Variants in PARD3 observed in about 807,000 individuals in gnomAD.
The protein encoded by PARD3 is par-3 family cell polarity regulator, also known as partitioning defective 3 homolog.
Under a neutral mutation model 155.4 loss-of-function variants are expected in PARD3, and 75 were observed. The observed-to-expected ratio is 0.48, with a 90% confidence interval of 0.40 to 0.58. The LOEUF (loss-of-function observed/expected upper bound fraction) is 0.58. PARD3 is among the 20% of genes least tolerant of loss of function. The probability of loss-of-function intolerance (pLI) is 0.00; values close to 1 mark genes in which losing one functional copy is unlikely to be tolerated. For missense variants in PARD3, 1,642 were observed against 1,721.7 expected (o/e 0.95, Z 0.82); for synonymous variants, 576 against 610.5 (o/e 0.94, Z 0.83).
intron 5 of PARD3, among the ~76,000 whole-genome samples, chr10:34,445,684 T>C (rs969604429): frequency 6.6e-6 from 1 of 151,978 alleles, no homozygotes; most frequent in African/African-American, 2.4e-5. Context: ...AGGTCTACAA[T>C]GACAGTAGAA....
At chr10:34,559,538 C>G (rs1417075868) in intron 2 of PARD3, among the ~76,000 whole-genome samples, 1 of 151,846 alleles carries the variant, frequency 6.6e-6, no homozygotes, top group East Asian at 1.9e-4. Flanking sequence ...GATGTGAATT[C>G]TACCTGAGTT....
At chr10:34,444,069 C>A (rs1258163015) in intron 5 of PARD3, among the ~76,000 whole-genome samples, 1 of 152,074 alleles carries the variant, frequency 6.6e-6, no homozygotes, top group African/African-American at 2.4e-5. Flanking sequence ...ATGGAGAGAG[C>A]CCTAAAACAT....
intron 2 of PARD3, among the ~76,000 whole-genome samples, chr10:34,612,467 T>C (rs1216285235): frequency 6.6e-6 from 1 of 152,168 alleles, no homozygotes; most frequent in African/African-American, 2.4e-5. Context: ...AAAGTAGCTC[T>C]TTACCTACTT....
Position 34,349,420 on chromosome 10 carries a change from G to A in PARD3, c.2068-1305C>T, listed in dbSNP as rs1388702077. Among the ~76,000 whole-genome samples, 7 of 151,804 alleles carry A rather than the reference G, an allele frequency of 4.6e-5. No individual in the cohort carries two copies. In the East Asian group the frequency reaches 9.6e-4, roughly 21 times the overall value. On this transcript the variant is annotated intron_variant, in intron 14 of 24. Coordinates refer to ENST00000374788, the MANE Select transcript of PARD3 (RefSeq NM_001184785.2). ...TTAGACTCAATAAGGTTTAAATTGT[G>A]AAACGAGGATTTGTTTCATTTGTTT...
At chr10:34,516,597 A>G (rs2081781230) in intron 3 of PARD3, among the ~76,000 whole-genome samples, 1 of 152,204 alleles carries the variant, frequency 6.6e-6, no homozygotes, top group Admixed American at 6.5e-5. Context: ...CAAATAATAT[A>G]AATGACGGTT....
At position 34,470,137 on chromosome 10, in the gene PARD3, G is replaced by T. The variant is rs1180728266; in HGVS notation, c.530C>A (p.Ala177Asp). The T allele has an allele frequency of 5.0e-6, 8 of 1,613,264 alleles. No homozygotes were observed. The Admixed American group carries it at 8.3e-5, about 17-fold the overall frequency. ...RKNPTRWSTT[A>D]GFLKQNTAGS... ...AGCAGTGTTCTGCTTGAGGAAGCCAGCTGTTGTTGACCAGCGTGTGGGATT... is the reference window on the plus strand; with the variant it reads ...AGCAGTGTTCTGCTTGAGGAAGCCATCTGTTGTTGACCAGCGTGTGGGATT... The change falls in exon 4 of 25, where the codon GCT becomes GAT. Residue 177 changes from alanine (A) to aspartate (D), a missense_variant. By Grantham distance (126) the Ala-to-Asp change is moderately radical. Around this residue, in one of 3 missense-constraint regions of PARD3, gnomAD observed 1,529 missense variants for 1,587.3 expected, o/e 0.96. Coordinates refer to ENST00000374788, the MANE Select transcript of PARD3 (RefSeq NM_001184785.2).
At chr10:34,534,201 G>A (rs2083059698) in intron 2 of PARD3, among the ~76,000 whole-genome samples, 1 of 151,588 alleles carries the variant, frequency 6.6e-6, no homozygotes, top group South Asian at 2.1e-4. Context: ...GGGAGGCAGA[G>A]CTTGCAGTGA....
intron 1 of PARD3, among the ~76,000 whole-genome samples, chr10:34,787,319 C>T (rs1841095024): frequency 6.6e-6 from 1 of 152,192 alleles, no homozygotes; most frequent in African/African-American, 2.4e-5. Context: ...GCGAAGGTTG[C>T]AGTGAGCCAA....
chr10:34,699,932 T>C (rs2094242836), intron 1 of PARD3, among the ~76,000 whole-genome samples: 1 of 152,212 alleles, frequency 6.6e-6, no homozygotes, highest in Non-Finnish European at 1.5e-5. Context: ...TAAATTCTAA[T>C]TCTACAATAA....
At chr10:34,697,546 T>A (rs3002033) in intron 1 of PARD3, among the ~76,000 whole-genome samples, 89,530 of 151,962 alleles carry the variant, frequency 0.59, 27,746 homozygotes, top group Non-Finnish European at 0.67. Context: ...CATGCCTAAG[T>A]ATCACTGAAA....
At chr10:34,617,046 G>A (rs936079217) in intron 2 of PARD3, among the ~76,000 whole-genome samples, 1 of 151,894 alleles carries the variant, frequency 6.6e-6, no homozygotes, top group Non-Finnish European at 1.5e-5. Context: ...TTGAGGTCAG[G>A]AGTTCAAAAC....
At chr10:34,443,697 T>C (rs2076589063) in intron 5 of PARD3, among the ~76,000 whole-genome samples, 2 of 152,098 alleles carry the variant, frequency 1.3e-5, no homozygotes, top group Admixed American at 6.5e-5. Flanking sequence ...TACGTGGAAA[T>C]TGTGGGAGTT....
At chr10:34,691,137 G>A (rs368912783) in intron 2 of PARD3, among the ~76,000 whole-genome samples, 5 of 152,284 alleles carry the variant, frequency 3.3e-5, no homozygotes, top group African/African-American at 1.2e-4. Flanking sequence ...CAAATAGGAA[G>A]AGAGGAAGTC....
intron 2 of PARD3, among the ~76,000 whole-genome samples, chr10:34,575,604 T>C (rs977592618): frequency 2.0e-5 from 3 of 151,972 alleles, no homozygotes; most frequent in Admixed American, 6.6e-5. Context: ...TTGTAGAAAA[T>C]TGGGTATTTG....
chr10:34,656,109 TAA>T (rs1257246688), intron 2 of PARD3, among the ~76,000 whole-genome samples: 2 of 152,118 alleles, frequency 1.3e-5, no homozygotes, highest in East Asian at 1.9e-4. Flanking sequence ...AAGAAAAAAG[TAA>T]AGAGTAATTT....
chr10:34,427,452 G>A (rs969016013), intron 5 of PARD3, among the ~76,000 whole-genome samples: 2 of 152,136 alleles, frequency 1.3e-5, no homozygotes, highest in Admixed American at 6.5e-5. Context: ...CCAGCCTGGC[G>A]AATTCTAGTC....
rs752634350 is a variant in PARD3 at position 34,319,428 on chromosome 10, CGA to C, written c.2834-2092_2834-2091del. ...GAAACGTTAGCCTTCCTCTGAACTG[CGA>C]GTTATCTCATTGTAAGCCATTGTCT... is the stretch of plus-strand genomic sequence containing the variant. On this transcript the variant is annotated intron_variant, in intron 19 of 24. Coordinates refer to ENST00000374788, the MANE Select transcript of PARD3 (RefSeq NM_001184785.2). 1.2e-3 allele frequency among the ~76,000 whole-genome samples: 177 copies of C among 152,170 alleles called. 1 individual carries two copies. Among genetic ancestry groups the C allele is most frequent in the Admixed American group, 4.6e-3 (71 of 15,298 alleles).
chr10:34,139,385 C>T (rs1452192852), intron 22 of PARD3, among the ~76,000 whole-genome samples: 5 of 152,150 alleles, frequency 3.3e-5, no homozygotes, highest in African/African-American at 1.2e-4. Flanking sequence ...TGGAAGAACT[C>T]AAGATCCAGC....
intron 22 of PARD3, 95 bp from the exon 23 acceptor site, chr10:34,131,678 C>A: frequency 9.2e-7 from 1 of 1,091,712 alleles, no homozygotes; most frequent in Non-Finnish European, 1.4e-6. Flanking sequence ...TGTGAAATGA[C>A]GCCATTTAAG....
Sources: gnomAD v4.1 joint callset for allele counts (sites outside exome capture counted in the v4.1 genomes callset) on GRCh38, gnomAD v4.1.1 for gene constraint, gnomAD v4.1.1 regional missense constraint, MANE v1.5 for transcripts, NCBI Gene and HGNC (gene_info 2026-07-23, HGNC 2026-07-21) for gene names.